The following TRHDE variants were observed in gnomAD, a reference collection of about 807,000 sequenced individuals.
The protein encoded by TRHDE is thyrotropin releasing hormone degrading enzyme, also known as thyrotropin-releasing hormone-degrading ectoenzyme.
A neutral mutation model predicts 125.7 loss-of-function variants in TRHDE; 72 were observed. The observed-to-expected ratio is 0.57, with a 90% confidence interval of 0.47 to 0.70. TRHDE has a LOEUF of 0.70. Ranked by LOEUF, TRHDE falls within the 30% of genes least tolerant of loss-of-function variation. The pLI is 0.00. For missense variants in TRHDE, 1,110 were observed against 1,327.1 expected, an observed-to-expected ratio of 0.84 and a Z score of 2.54; for synonymous variants, 509 against 509.1, an observed-to-expected ratio of 1.00 and a Z score of 0.00.
chr12:72,500,849 C>CTTTTTTTTTTTTTTTTTTTTT (rs11314911), intron 6 of TRHDE, among the ~76,000 whole-genome samples: 3 of 109,356 alleles, frequency 2.7e-5, no homozygotes, highest in Non-Finnish European at 3.6e-5. Flanking sequence ...CAACTTTGTT[C>CTTTTTTTTTTTTTTTTTTTTT]TTTTTTTTTT....
At chr12:72,544,244 G>T (rs1333618496) in intron 7 of TRHDE, among the ~76,000 whole-genome samples, 1 of 151,454 alleles carries the variant, frequency 6.6e-6, no homozygotes, top group Non-Finnish European at 1.5e-5. Context: ...TGTGCATGAA[G>T]ATGTATGGGA....
chr12:72,523,062 C>A (rs992376310), intron 6 of TRHDE, among the ~76,000 whole-genome samples: 1 of 151,944 alleles, frequency 6.6e-6, no homozygotes, highest in African/African-American at 2.4e-5. Flanking sequence ...ATTTTAATGT[C>A]TCTTATCAGT....
chr12:72,120,194 G>A (rs1875544439), intron 2 of TRHDE, among the ~76,000 whole-genome samples: 3 of 151,902 alleles, frequency 2.0e-5, no homozygotes, highest in Admixed American at 2.0e-4. Flanking sequence ...GGGATTACAG[G>A]TGCCCGCCAT....
In TRHDE at chr12:72,195,530, G is replaced by C. The variant is rs141331728; in HGVS notation, n.279+89778G>C. The stretch of plus-strand genomic sequence containing the variant: ...TGTGGAACATTTTTTCATATTGTTG[G>C]CCACTTGTATGTCTTATTTGAGAAG... On this transcript the variant is annotated intron_variant and non_coding_transcript_variant, in intron 2 of 4. Coordinates refer to the TRHDE transcript ENST00000548156. Among the ~76,000 whole-genome samples, 113 of 151,542 alleles carry C rather than the reference G, an allele frequency of 7.5e-4. 1 individual carries two copies. In the East Asian group the frequency reaches 0.016, roughly 22 times the overall value.
intron 9 of TRHDE, among the ~76,000 whole-genome samples, chr12:72,563,872 T>C (rs890234444): frequency 1.2e-4 from 19 of 152,274 alleles, no homozygotes; most frequent in African/African-American, 4.6e-4. Flanking sequence ...ATGAGATGTT[T>C]GGATTGGGTT....
At chr12:72,602,913 C>T (rs1872265329) in intron 12 of TRHDE, among the ~76,000 whole-genome samples, 1 of 152,152 alleles carries the variant, frequency 6.6e-6, no homozygotes, top group South Asian at 2.1e-4. Context: ...CCTGCCCCTT[C>T]AACTATGGAT....
In TRHDE at chr12:72,332,808, G is replaced by A. The variant is rs758768738; in HGVS notation, c.1189-45187G>A. 1.8e-4 allele frequency among the ~76,000 whole-genome samples: 28 copies of A among 152,278 alleles called. 1 individual carries two copies. Among genetic ancestry groups the A allele is most frequent in the South Asian group, 1.2e-3 (6 of 4,818 alleles). On this transcript the variant is annotated intron_variant, in intron 2 of 18. Transcript: ENST00000261180. ...CAGTGATCAGCAGCATCAGTATTGG[G>A]CATCATCTCGGAGTTTGTTAGAAAT... is the stretch of plus-strand genomic sequence containing the variant.
intron 7 of TRHDE, among the ~76,000 whole-genome samples, chr12:72,555,722 T>G (rs992628143): frequency 4.6e-5 from 7 of 152,194 alleles, no homozygotes; most frequent in Admixed American, 4.6e-4. Flanking sequence ...TTAGGGAATG[T>G]GAAAACATCC....
chr12:72,307,712 C>T (rs1868369574), intron 2 of TRHDE, among the ~76,000 whole-genome samples: 1 of 152,090 alleles, frequency 6.6e-6, no homozygotes, highest in Non-Finnish European at 1.5e-5. Context: ...TAATATGATG[C>T]CTACCATTTC....
chr12:72,456,128 T>TACAC (rs58045175), intron 3 of TRHDE, among the ~76,000 whole-genome samples: 168 of 134,820 alleles, frequency 1.2e-3, no homozygotes, highest in African/African-American at 4.0e-3. Context: ...AATATGTAAT[T>TACAC]ACACACACAC....
At chr12:72,573,319 C>G (rs2136025224) in intron 10 of TRHDE, among the ~76,000 whole-genome samples, 1 of 151,856 alleles carries the variant, frequency 6.6e-6, no homozygotes, top group South Asian at 2.1e-4. Flanking sequence ...ATATGAAATT[C>G]TAAATTTTTG....
intron 2 of TRHDE, among the ~76,000 whole-genome samples, chr12:72,237,854 A>G (rs1878367358): frequency 6.6e-6 from 1 of 152,176 alleles, no homozygotes; most frequent in African/African-American, 2.4e-5. Context: ...TAGGGACACC[A>G]TACCTATGTG....
At chr12:72,238,278 A>G (rs1274312705) in intron 2 of TRHDE, among the ~76,000 whole-genome samples, 2 of 7,842 alleles carry the variant, frequency 2.6e-4, no homozygotes, top group African/African-American at 1.1e-3. Context: ...GATCCTTAAT[A>G]TATATATATA....
intron 2 of TRHDE, among the ~76,000 whole-genome samples, chr12:72,297,376 A>G (rs1414582166): frequency 2.6e-5 from 4 of 152,164 alleles, no homozygotes; most frequent in East Asian, 1.9e-4. Flanking sequence ...AGGGTTTCAG[A>G]TTTCAGGGTG....
chr12:72,527,481 T>G (rs1868356063), intron 6 of TRHDE, among the ~76,000 whole-genome samples: 2 of 151,934 alleles, frequency 1.3e-5, no homozygotes, highest in Admixed American at 6.6e-5. Flanking sequence ...CAGAATCTGT[T>G]TCAGGGACCA....
At chr12:72,281,761 G>T (rs891564425) in intron 1 of TRHDE, among the ~76,000 whole-genome samples, 3 of 152,104 alleles carry the variant, frequency 2.0e-5, no homozygotes, top group Admixed American at 1.3e-4. Context: ...AAATTGTTTT[G>T]TATCACATAC....
intron 2 of TRHDE, among the ~76,000 whole-genome samples, chr12:72,327,568 A>G (rs897593915): frequency 6.6e-6 from 1 of 152,312 alleles, no homozygotes; most frequent in South Asian, 2.1e-4. Flanking sequence ...CACTATATTT[A>G]TAGTAACATT....
chr12:72,517,624 T>G (rs1773512021), intron 6 of TRHDE, among the ~76,000 whole-genome samples: 1 of 152,026 alleles, frequency 6.6e-6, no homozygotes, highest in Non-Finnish European at 1.5e-5. Context: ...TTTTGAAGGG[T>G]TTTTTGTGTC....
intron 2 of TRHDE, among the ~76,000 whole-genome samples, chr12:72,170,052 G>A (rs536006094): frequency 9.9e-5 from 15 of 152,248 alleles, no homozygotes; most frequent in African/African-American, 3.6e-4. Context: ...GAACGGTATG[G>A]GCTGGAAGCA....
Sources: gnomAD v4.1 joint callset for allele counts (sites outside exome capture counted in the v4.1 genomes callset) on GRCh38, gnomAD v4.1.1 for gene constraint, MANE v1.5 for transcripts, NCBI Gene and HGNC (gene_info 2026-07-23, HGNC 2026-07-21) for gene names.